TEAD3: variants seen among roughly 807,000 people sequenced by gnomAD.
The protein encoded by TEAD3 is transcriptional enhancer factor TEF-5.
TEAD3 carries 15 observed loss-of-function variants against 55.6 expected under a neutral mutation model. The observed-to-expected ratio is 0.27, with a 90% CI of 0.18 to 0.42. The LOEUF (loss-of-function observed/expected upper bound fraction) is 0.42. Ranked by LOEUF, TEAD3 falls within the 10% of genes least tolerant of loss-of-function variation. The pLI, the probability that TEAD3 is intolerant of heterozygous loss-of-function variation, is 1.00. For missense variants in TEAD3, 407 were observed against 576.8 expected, an observed-to-expected ratio of 0.71 and a Z score of 3.01; for synonymous variants, 210 against 232.2, an observed-to-expected ratio of 0.90 and a Z score of 0.87.
At chr6:35,477,220 C>A in intron 8 of TEAD3, 91 bp downstream of exon 8, 1 of 1,394,522 alleles carries the variant, frequency 7.2e-7, no homozygotes, top group East Asian at 2.3e-5. Context: ...GCAACCCCCT[C>A]CCTCCCAAAG....
chr6:35,490,307 C>T (rs997564049), intron 1 of TEAD3, among the ~76,000 whole-genome samples: 9 of 152,092 alleles, frequency 5.9e-5, no homozygotes, highest in Admixed American at 1.3e-4. Context: ...GCGGGGCAGG[C>T]GGCCCCTGGC....
chr6:35,478,437 C>T (rs779560382), exon 6 of TEAD3: 13 of 1,613,544 alleles, frequency 8.1e-6, no homozygotes, highest in African/African-American at 8.0e-5. Flanking sequence ...CATGTACCCG[C>T]GAGGAAGTGG....
At chr6:35,487,727 AAAAC>A (rs377742351) in intron 1 of TEAD3, among the ~76,000 whole-genome samples, 1 of 152,032 alleles carries the variant, frequency 6.6e-6, no homozygotes, top group African/African-American at 2.4e-5. Context: ...GTCTCAAAAA[AAAAC>A]AAAACAAAAC....
chr6:35,480,504 CT>C (rs1267393474), intron 3 of TEAD3, 130 bp from the exon 4 acceptor site: 14 of 913,296 alleles, frequency 1.5e-5, no homozygotes, highest in Admixed American at 1.0e-4. Flanking sequence ...ATGGGGGGAC[CT>C]TTTTTCTTTT....
chr6:35,479,820 GGAA>G (rs1177596888), intron 4 of TEAD3, among the ~76,000 whole-genome samples: 1 of 152,262 alleles, frequency 6.6e-6, no homozygotes, highest in African/African-American at 2.4e-5. Flanking sequence ...GCAGCAGTCA[GGAA>G]GAAGGAGAAA....
exon 13 of TEAD3, chr6:35,474,969 AC>A (rs759942092): frequency 3.0e-5 from 38 of 1,285,324 alleles, no homozygotes; most frequent in East Asian, 1.3e-4. Context: ...TCAATCCTGG[AC>A]CCCCCCAGGG....
chr6:35,487,004 A>C (rs544198512), intron 1 of TEAD3, among the ~76,000 whole-genome samples: 5 of 152,366 alleles, frequency 3.3e-5, no homozygotes, highest in African/African-American at 4.8e-5. Flanking sequence ...AAATGAGCTC[A>C]TGACAAAGTA....
rs1768434954 is a variant in TEAD3, at chr6:35,488,463, C to G, written c.-49-1752G>C. Among the ~76,000 whole-genome samples the G allele has an allele frequency of 6.6e-6, 1 of 152,102 alleles. No homozygotes were observed. The highest frequency in any genetic ancestry group is 1.5e-5 in the Non-Finnish European group (1 of 68,020). Reference sequence around the variant, plus strand: ...TTCAGGGTCCTGGAAACCTAAGAGCCCATGATGGCTGGATCCTGGGACTTA... The same window carrying G: ...TTCAGGGTCCTGGAAACCTAAGAGCGCATGATGGCTGGATCCTGGGACTTA... On this transcript the variant is annotated intron_variant, in intron 1 of 12. Coordinates refer to ENST00000639578, the Ensembl canonical transcript of TEAD3. This position sits in a 1 kb window ranked among gnomAD's most constrained non-coding sequence, Gnocchi z 4.2.
intron 1 of TEAD3, among the ~76,000 whole-genome samples, chr6:35,490,449 G>C (rs1230596996): frequency 6.6e-6 from 1 of 152,180 alleles, no homozygotes; most frequent in Non-Finnish European, 1.5e-5. Context: ...TTCTAGGAAC[G>C]CTCCTGGGGC....
Position 35,476,109 on chromosome 6 carries a change from G to T in TEAD3, c.727-17C>A, listed in dbSNP as rs1768141992. On this transcript the variant is annotated splice_polypyrimidine_tract_variant and intron_variant, in intron 9 of 12. Transcript: ENST00000639578. ...TTTGCTGTACTGTGGGGAGGGCCCA[G>T]ACAGGGTCAGGAGAGTACTCAGGCT... 6.5e-7 allele frequency: 1 copy of T among 1,536,622 alleles called. No individual in the cohort carries two copies. Among genetic ancestry groups the T allele is most frequent in the South Asian group, 1.3e-5 (1 of 78,550 alleles).
rs185956930 is a variant in TEAD3 at position 35,491,900 on chromosome 6, G to A, written c.-50+4998C>T. Among the ~76,000 whole-genome samples, 129 of 152,298 alleles carry A rather than the reference G, an allele frequency of 8.5e-4. 1 individual carries two copies. The highest frequency in any genetic ancestry group is 2.8e-3 in the African/African-American group (117 of 41,572). Reference sequence around the variant, plus strand: ...CAGGGATCAGGCTGGAGCTGGGGCCGCTGCAGAGGCCCTGGTCCCCCACCC... The same window carrying A: ...CAGGGATCAGGCTGGAGCTGGGGCCACTGCAGAGGCCCTGGTCCCCCACCC... On this transcript the variant is annotated intron_variant, in intron 1 of 12. Coordinates refer to ENST00000639578, the Ensembl canonical transcript of TEAD3. The surrounding 1 kb of genome is among the most constrained non-coding windows in gnomAD (Gnocchi z 4.4).
intron 1 of TEAD3, among the ~76,000 whole-genome samples, chr6:35,490,988 G>A (rs1190083353): frequency 2.6e-5 from 4 of 152,052 alleles, no homozygotes; most frequent in Admixed American, 6.6e-5. Context: ...GGGTCAAGGG[G>A]AGGGAGACCA....
At position 35,475,753 on chromosome 6, in the gene TEAD3, T is replaced by A; in HGVS notation, c.901-47A>T. 1 of 1,525,310 alleles carries A rather than the reference T, an allele frequency of 6.6e-7. No homozygotes were observed. Among genetic ancestry groups the A allele is most frequent in the South Asian group, 1.3e-5 (1 of 77,058 alleles). 94.5% of individuals were successfully genotyped at this position (1,525,310 alleles called of 1,614,324 possible). ...GTTAGGTGCTGGCAGAGACCAGAAG[T>A]ATTCCCGCCACACCACATCAGAGTC... On this transcript the variant is annotated intron_variant, in intron 10 of 12. Transcript: ENST00000639578. This position sits in a 1 kb window ranked among gnomAD's most constrained non-coding sequence, Gnocchi z 5.4.
At chr6:35,478,308 G>A in exon 7 of TEAD3, 5 of 1,613,810 alleles carry the variant, frequency 3.1e-6, no homozygotes, top group Non-Finnish European at 4.2e-6. Flanking sequence ...TCCCAGGAGA[G>A]GGGGGCTGCT....
At chr6:35,480,432 C>T (rs1768244440) in intron 3 of TEAD3, 58 bp from the exon 4 acceptor site, 2 of 1,598,368 alleles carry the variant, frequency 1.3e-6, no homozygotes, top group African/African-American at 2.7e-5. Context: ...GGAGGCACAG[C>T]CATGGGGTGG....
At chr6:35,482,411 CAG>C (rs1209383736) in intron 3 of TEAD3, among the ~76,000 whole-genome samples, 41 of 152,274 alleles carry the variant, frequency 2.7e-4, no homozygotes, top group African/African-American at 7.0e-4. Flanking sequence ...AGAGTAAAGA[CAG>C]GGGGAGTTTC....
At chr6:35,493,370 T>C (rs1768572495) in intron 1 of TEAD3, among the ~76,000 whole-genome samples, 1 of 152,078 alleles carries the variant, frequency 6.6e-6, no homozygotes, top group African/African-American at 2.4e-5. Flanking sequence ...CAGAGCCTCC[T>C]ACACGCCCTG....
At chr6:35,494,648 T>C (rs1768601618) in intron 1 of TEAD3, among the ~76,000 whole-genome samples, 3 of 152,056 alleles carry the variant, frequency 2.0e-5, no homozygotes, top group Admixed American at 2.0e-4. Context: ...TTTAGACCCC[T>C]GGGCTCCTCT....
At chr6:35,490,082 TCCCGAGG>T (rs1366594278) in intron 1 of TEAD3, among the ~76,000 whole-genome samples, 1 of 152,026 alleles carries the variant, frequency 6.6e-6, no homozygotes, top group Non-Finnish European at 1.5e-5. Context: ...TTAACCCCTT[TCCCGAGG>T]CCTCCCTCGA....
Sources: gnomAD v4.1 joint callset for allele counts (sites outside exome capture counted in the v4.1 genomes callset) on GRCh38, gnomAD v4.1.1 for gene constraint, Gnocchi (gnomAD v3.1) non-coding constraint, MANE v1.5 for transcripts, NCBI Gene and HGNC (gene_info 2026-07-23, HGNC 2026-07-21) for gene names.